The following PLCB4 variants were observed in gnomAD, a reference collection of about 807,000 sequenced individuals.
PLCB4 encodes 1-phosphatidylinositol 4,5-bisphosphate phosphodiesterase beta-4.
PLCB4 carries 77 observed loss-of-function variants against 178.8 expected under a neutral mutation model. The ratio of observed to expected loss-of-function variants is 0.43; its 90% CI spans 0.36 to 0.52. The LOEUF (loss-of-function observed/expected upper bound fraction) is 0.52, where lower values mean the gene tolerates loss of function less well. Ranked by LOEUF, PLCB4 falls within the 20% of genes least tolerant of loss-of-function variation. The pLI is 0.00. For missense variants in PLCB4, 1,024 were observed against 1,453.4 expected, an observed-to-expected ratio of 0.70 and a Z score of 4.80; for synonymous variants, 496 against 490.8, an observed-to-expected ratio of 1.01 and a Z score of -0.14.
chr20:9,190,307 G>A (rs977833848), intron 2 of PLCB4, among the ~76,000 whole-genome samples: 15 of 152,040 alleles, frequency 9.9e-5, no homozygotes, highest in Non-Finnish European at 1.8e-4. Flanking sequence ...TTGGATTGTG[G>A]GAATGGTTTC....
At chr20:9,223,907 G>A (rs1040651253) in intron 3 of PLCB4, among the ~76,000 whole-genome samples, 2 of 152,198 alleles carry the variant, frequency 1.3e-5, no homozygotes, top group African/African-American at 4.8e-5. Flanking sequence ...AGAGTGTACA[G>A]CATGGATAAG....
intron 2 of PLCB4, among the ~76,000 whole-genome samples, chr20:9,174,547 A>T (rs1395906949): frequency 6.6e-6 from 1 of 150,814 alleles, no homozygotes; most frequent in Non-Finnish European, 1.5e-5. Flanking sequence ...ATTTCCTACT[A>T]ATTAAGATGT....
intron 4 of PLCB4, among the ~76,000 whole-genome samples, chr20:9,330,847 T>C (rs1315470822): frequency 3.9e-5 from 6 of 152,192 alleles, no homozygotes; most frequent in Non-Finnish European, 7.3e-5. Flanking sequence ...CTTGCAGAGT[T>C]ATCATGAGAT....
chr20:9,236,082 C>T (rs1377829750), intron 3 of PLCB4, among the ~76,000 whole-genome samples: 1 of 152,200 alleles, frequency 6.6e-6, no homozygotes, highest in Non-Finnish European at 1.5e-5. Flanking sequence ...CCCTTCAGGG[C>T]TTTCCATGGT....
intron 2 of PLCB4, among the ~76,000 whole-genome samples, chr20:9,146,707 T>G (rs2092604553): frequency 6.6e-6 from 1 of 152,120 alleles, no homozygotes; most frequent in African/African-American, 2.4e-5. Context: ...TCACATTGAT[T>G]AGGTTTTGGT....
chr20:9,198,646 A>G (rs533279113), intron 2 of PLCB4, among the ~76,000 whole-genome samples: 2 of 152,328 alleles, frequency 1.3e-5, no homozygotes, highest in African/African-American at 4.8e-5. Context: ...GTGCTATTAA[A>G]TAGAGTTATG....
At chr20:9,410,383 G>A (rs956536566) in intron 24 of PLCB4, among the ~76,000 whole-genome samples, 1 of 152,198 alleles carries the variant, frequency 6.6e-6, no homozygotes, top group African/African-American at 2.4e-5. Context: ...CCATAATATG[G>A]ATTAAATGGC....
At chr20:9,313,409 C>G (rs1278979809) in intron 4 of PLCB4, among the ~76,000 whole-genome samples, 3 of 152,120 alleles carry the variant, frequency 2.0e-5, no homozygotes, top group African/African-American at 7.2e-5. Context: ...TTTATACTCT[C>G]AGCAAGAGGG....
intron 9 of PLCB4, among the ~76,000 whole-genome samples, chr20:9,369,787 C>G (rs897194689): frequency 4.9e-4 from 74 of 152,220 alleles, no homozygotes; most frequent in African/African-American, 1.7e-3. Context: ...TCAGCACTCT[C>G]ATTCAGAACT....
intron 3 of PLCB4, among the ~76,000 whole-genome samples, chr20:9,238,427 T>G (rs773217158): frequency 1.3e-5 from 2 of 152,124 alleles, no homozygotes; most frequent in Non-Finnish European, 2.9e-5. Context: ...AGGGACACCT[T>G]ATCCATATGT....
intron 3 of PLCB4, among the ~76,000 whole-genome samples, chr20:9,242,574 T>C (rs1461490950): frequency 6.6e-6 from 1 of 152,208 alleles, no homozygotes; most frequent in East Asian, 1.9e-4. Context: ...GATTTACTAA[T>C]AGGGTTGAGA....
At chr20:9,413,828 G>A (rs117601299) in intron 25 of PLCB4, among the ~76,000 whole-genome samples, 2,667 of 152,144 alleles carry the variant, frequency 0.018, 38 homozygotes, top group South Asian at 0.028. Flanking sequence ...TGGTGCAAAC[G>A]TGGCTCATTG....
intron 3 of PLCB4, among the ~76,000 whole-genome samples, chr20:9,304,019 T>C (rs913416699): frequency 6.6e-6 from 1 of 151,992 alleles, no homozygotes; most frequent in South Asian, 2.1e-4. Context: ...TCCCTCTCTC[T>C]GTGTCTCTCA....
At chr20:9,473,908 G>A (rs1303219792) in intron 38 of PLCB4, among the ~76,000 whole-genome samples, 1 of 151,986 alleles carries the variant, frequency 6.6e-6, no homozygotes, top group African/African-American at 2.4e-5. Flanking sequence ...ACTAAATAAA[G>A]AAATATACAC....
At chr20:9,255,954 C>T (rs1309829643) in intron 3 of PLCB4, among the ~76,000 whole-genome samples, 1 of 151,908 alleles carries the variant, frequency 6.6e-6, no homozygotes, top group African/African-American at 2.4e-5. Context: ...ATACACACAC[C>T]ATATTACCTT....
chr20:9,183,774 A>G (rs752749119), intron 2 of PLCB4, among the ~76,000 whole-genome samples: 8 of 152,190 alleles, frequency 5.3e-5, no homozygotes, highest in Non-Finnish European at 1.2e-4. Context: ...ATTTTACATC[A>G]GATATCTTGA....
At chr20:9,274,925 G>A (rs1048258075) in intron 3 of PLCB4, among the ~76,000 whole-genome samples, 2 of 151,914 alleles carry the variant, frequency 1.3e-5, no homozygotes, top group Admixed American at 1.3e-4. Flanking sequence ...TGTCATTCAA[G>A]TGTAAGAAAA....
intron 2 of PLCB4, among the ~76,000 whole-genome samples, chr20:9,154,808 T>G (rs923180765): frequency 1.4e-5 from 2 of 145,788 alleles, no homozygotes; most frequent in Admixed American, 6.8e-5. Flanking sequence ...TTTCCTTTCT[T>G]TTCCTTTCCT....
chr20:9,192,907 G>C (rs1326870222), intron 2 of PLCB4, among the ~76,000 whole-genome samples: 2 of 152,148 alleles, frequency 1.3e-5, no homozygotes, highest in Non-Finnish European at 2.9e-5. Flanking sequence ...CCGTTAATTA[G>C]CAGTTTTGCC....
Sources: gnomAD v4.1 joint callset for allele counts (sites outside exome capture counted in the v4.1 genomes callset) on GRCh38, gnomAD v4.1.1 for gene constraint, MANE v1.5 for transcripts, NCBI Gene and HGNC (gene_info 2026-07-23, HGNC 2026-07-21) for gene names.